The following ESRRG variants were observed in gnomAD, a reference collection of about 807,000 sequenced individuals.
ESRRG encodes estrogen related receptor gamma.
In ESRRG, 13 loss-of-function variants were observed where a neutral mutation model predicts 44.0. The ratio of observed to expected loss-of-function variants is 0.30; its 90% CI spans 0.19 to 0.47. ESRRG has a LOEUF of 0.47. ESRRG is among the 20% of genes least tolerant of loss of function. The probability of loss-of-function intolerance (pLI) is 1.00; values close to 1 mark genes in which losing one functional copy is unlikely to be tolerated. For synonymous variants in ESRRG, 215 were observed against 214.6 expected (o/e 1.00, Z -0.02); for missense variants, 395 against 580.6 (o/e 0.68, Z 3.29).
chr1:217,043,922 G>T (rs1475421003), intron 1 of ESRRG, among the ~76,000 whole-genome samples: 1 of 149,272 alleles, frequency 6.7e-6, no homozygotes, highest in African/African-American at 2.5e-5. Flanking sequence ...CCAGAGCTCT[G>T]AAGAAAAGAA....
chr1:216,614,412 T>A (rs941832577), intron 3 of ESRRG, among the ~76,000 whole-genome samples: 2 of 152,166 alleles, frequency 1.3e-5, no homozygotes, highest in Non-Finnish European at 2.9e-5. Context: ...TATAGTCAAT[T>A]CTATCTAAAG....
Position 217,053,252 on chromosome 1 carries a change from C to T in ESRRG, c.-106+36255G>A, listed in dbSNP as rs549856999. Among the ~76,000 whole-genome samples the T allele has an allele frequency of 3.1e-3, 470 of 151,524 alleles. 2 individuals carry two copies. Among genetic ancestry groups the T allele is most frequent in the African/African-American group, 0.011 (452 of 41,292 alleles). On this transcript the variant is annotated intron_variant, in intron 1 of 7. Transcript: ENST00000359162. ...GATAGATCACTTAAGGTCAGGAGTT[C>T]GAGACCAGCCTGGCCAACATGGTGA...
chr1:217,101,493 A>G (rs1360400452), intron 1 of ESRRG, among the ~76,000 whole-genome samples: 1 of 152,238 alleles, frequency 6.6e-6, no homozygotes, highest in Non-Finnish European at 1.5e-5. Flanking sequence ...ATAGATGCCC[A>G]TCAGCATTTC....
chr1:216,778,668 C>T (rs779053101), intron 2 of ESRRG, among the ~76,000 whole-genome samples: 1 of 151,848 alleles, frequency 6.6e-6, no homozygotes, highest in African/African-American at 2.4e-5. Context: ...CAGGAGGAGC[C>T]ATACTTTTGG....
At chr1:216,683,811 G>T (rs1048638078) in intron 1 of ESRRG, among the ~76,000 whole-genome samples, 1 of 152,086 alleles carries the variant, frequency 6.6e-6, no homozygotes, top group African/African-American at 2.4e-5. Context: ...AGAGTTCAAT[G>T]GTCCTTTCTC....
chr1:216,652,778 CAG>C (rs1246495258), intron 2 of ESRRG, among the ~76,000 whole-genome samples: 1 of 152,072 alleles, frequency 6.6e-6, no homozygotes, highest in Admixed American at 6.6e-5. Context: ...CTCTTCACTG[CAG>C]AGTTTCTTCA....
chr1:216,964,859 GAA>G (rs1327569555), intron 1 of ESRRG, among the ~76,000 whole-genome samples: 1 of 152,040 alleles, frequency 6.6e-6, no homozygotes, highest in African/African-American at 2.4e-5. Flanking sequence ...TTAAGCCATA[GAA>G]AAGAGGCCAT....
intron 3 of ESRRG, among the ~76,000 whole-genome samples, chr1:216,606,055 C>T (rs2059896933): frequency 6.6e-6 from 1 of 152,160 alleles, no homozygotes; most frequent in African/African-American, 2.4e-5. Context: ...ACATCACTGG[C>T]ATAAAGCAAA....
intron 1 of ESRRG, among the ~76,000 whole-genome samples, chr1:216,944,851 A>G (rs1379380576): frequency 6.6e-6 from 1 of 152,158 alleles, no homozygotes; most frequent in Non-Finnish European, 1.5e-5. Context: ...ATCAACTCAC[A>G]GTATTAGAAC....
chr1:216,657,212 T>G (rs1403905641), intron 2 of ESRRG, among the ~76,000 whole-genome samples: 1 of 152,232 alleles, frequency 6.6e-6, no homozygotes, highest in Non-Finnish European at 1.5e-5. Context: ...CTGAGATTCA[T>G]ATTATGGAAT....
intron 2 of ESRRG, among the ~76,000 whole-genome samples, chr1:216,905,361 CT>C (rs2059573923): frequency 6.6e-6 from 1 of 152,064 alleles, no homozygotes; most frequent in African/African-American, 2.4e-5. Flanking sequence ...GGCCTTTGCA[CT>C]TGCTCTTCAG....
chr1:216,966,936 G>A (rs2150239773), intron 1 of ESRRG, among the ~76,000 whole-genome samples: 1 of 152,194 alleles, frequency 6.6e-6, no homozygotes, highest in South Asian at 2.1e-4. Context: ...TTTCTGGCTG[G>A]CCCTACTTGC....
chr1:216,730,873 C>T (rs2088637203), intron 2 of ESRRG, among the ~76,000 whole-genome samples: 1 of 152,128 alleles, frequency 6.6e-6, no homozygotes, highest in South Asian at 2.1e-4. Context: ...CACCAGCACT[C>T]CATCATCATT....
chr1:216,848,310 A>G (rs1358951586), intron 2 of ESRRG, among the ~76,000 whole-genome samples: 1 of 152,022 alleles, frequency 6.6e-6, no homozygotes, highest in Non-Finnish European at 1.5e-5. Flanking sequence ...TGAGCCCTAC[A>G]TGGACATGTA....
At chr1:216,948,620 A>G (rs563057113) in intron 1 of ESRRG, among the ~76,000 whole-genome samples, 2 of 151,958 alleles carry the variant, frequency 1.3e-5, no homozygotes, top group Admixed American at 6.6e-5. Context: ...CTCCCCCCAT[A>G]AACTGGTATA....
chr1:216,986,526 C>T (rs1184515806), intron 1 of ESRRG, among the ~76,000 whole-genome samples: 2 of 151,922 alleles, frequency 1.3e-5, no homozygotes, highest in East Asian at 3.9e-4. Flanking sequence ...GCCTGAGAAA[C>T]ATAGAGAAAC....
intron 5 of ESRRG, among the ~76,000 whole-genome samples, chr1:216,525,693 T>C (rs2149027891): frequency 6.6e-6 from 1 of 152,272 alleles, no homozygotes; most frequent in East Asian, 1.9e-4. Context: ...AAAAAGGCAT[T>C]TTTCAGTCTA....
chr1:216,558,677 C>G (rs2058079818), intron 5 of ESRRG, among the ~76,000 whole-genome samples: 1 of 151,804 alleles, frequency 6.6e-6, no homozygotes, highest in African/African-American at 2.4e-5. Flanking sequence ...TCTATTTTAA[C>G]TGATAGTGAG....
At chr1:217,113,826 CA>C (rs1404171857) in intron 1 of ESRRG, among the ~76,000 whole-genome samples, 1 of 151,980 alleles carries the variant, frequency 6.6e-6, no homozygotes, top group East Asian at 1.9e-4. Context: ...TTCATCTCTA[CA>C]AAAAATTTAA....
Sources: gnomAD v4.1 joint callset for allele counts (sites outside exome capture counted in the v4.1 genomes callset) on GRCh38, gnomAD v4.1.1 for gene constraint, MANE v1.5 for transcripts, NCBI Gene and HGNC (gene_info 2026-07-23, HGNC 2026-07-21) for gene names.